The following ZGPAT variants were observed in gnomAD, a reference collection of about 807,000 sequenced individuals.
The protein encoded by ZGPAT is zinc finger CCCH-type and G-patch domain containing, also known as zinc finger CCCH-type with G patch domain-containing protein.
A neutral mutation model predicts 47.9 loss-of-function variants in ZGPAT; 39 were observed. The ratio of observed to expected loss-of-function variants is 0.81; its 90% CI spans 0.63 to 1.06. The LOEUF (loss-of-function observed/expected upper bound fraction) is 1.06, where lower values mean the gene tolerates loss of function less well. Among genes scored for constraint, ZGPAT ranks in the 50% least tolerant of loss-of-function variants. The pLI is 0.00. For missense variants in ZGPAT, 717 were observed against 681.4 expected (o/e 1.05, Z -0.58); for synonymous variants, 348 against 292.9 (o/e 1.19, Z -1.92).
chr20:63,733,763 A>T (rs1403074081), intron 4 of ZGPAT, 24 bp downstream of exon 4: 1 of 1,590,474 alleles, frequency 6.3e-7, no homozygotes, highest in Admixed American at 1.7e-5. Flanking sequence ...TGCGGAGCCC[A>T]GGAGCCAGGA....
intron 2 of ZGPAT, among the ~76,000 whole-genome samples, chr20:63,724,454 G>A (rs1287155178): frequency 1.3e-5 from 2 of 151,830 alleles, no homozygotes; most frequent in East Asian, 3.9e-4. Context: ...GGCCAAGGCA[G>A]GAGGATCACT....
chr20:63,727,314 C>T (rs1437198424), intron 2 of ZGPAT, among the ~76,000 whole-genome samples: 1 of 151,040 alleles, frequency 6.6e-6, no homozygotes, highest in Non-Finnish European at 1.5e-5. Flanking sequence ...CATCTCGGCT[C>T]ACTGCAACCC....
upstream of ZGPAT, chr20:63,707,699 G>A (rs916428266): frequency 1.3e-5 from 2 of 152,214 alleles, no homozygotes; most frequent in African/African-American, 2.4e-5. Context: ...CGACTGCGAA[G>A]GAAGAACCTG....
At chr20:63,722,013 G>A (rs1394964336) in intron 2 of ZGPAT, among the ~76,000 whole-genome samples, 1 of 47,882 alleles carries the variant, frequency 2.1e-5, no homozygotes, top group Non-Finnish European at 4.1e-5. Flanking sequence ...ACTCCATCTC[G>A]GGGAAAAAAA....
intron 2 of ZGPAT, among the ~76,000 whole-genome samples, chr20:63,726,312 C>T (rs1259025419): frequency 6.7e-6 from 1 of 150,316 alleles, no homozygotes; most frequent in East Asian, 1.9e-4. Context: ...GATTCTCCTG[C>T]CTCACCCTCC....
At chr20:63,726,776 C>G (rs1368503663) in intron 2 of ZGPAT, among the ~76,000 whole-genome samples, 1 of 152,184 alleles carries the variant, frequency 6.6e-6, no homozygotes, top group Admixed American at 6.5e-5. Context: ...ATCTGCCCAC[C>G]TCGGCCTCCC....
chr20:63,716,768 G>A lies in ZGPAT; in HGVS notation c.584+7604G>A, dbSNP rs191791507. ...TGCAATCTCACTCATTGCAACCTCC[G>A]ACTCCCAGATTCCAGCAATTCTCCT... On this transcript the variant is annotated intron_variant, in intron 2 of 6. Coordinates refer to ENST00000355969, the MANE Select transcript of ZGPAT (RefSeq NM_181485.3). 6.6e-4 allele frequency among the ~76,000 whole-genome samples: 101 copies of A among 152,150 alleles called. 1 individual carries two copies. The South Asian group carries it at 7.1e-3, about 11-fold the overall frequency.
At chr20:63,735,072 T>A (rs2091966857) in intron 5 of ZGPAT, 87 bp from the exon 6 acceptor site, 1 of 1,426,854 alleles carries the variant, frequency 7.0e-7, no homozygotes, top group South Asian at 1.6e-5. Flanking sequence ...ATTCCCGGGG[T>A]CCCGTGGCCA....
At chr20:63,718,818 G>A (rs1197194143) in intron 2 of ZGPAT, among the ~76,000 whole-genome samples, 1 of 151,908 alleles carries the variant, frequency 6.6e-6, no homozygotes, top group African/African-American at 2.4e-5. Context: ...TGTAATCCCA[G>A]CACTTTGGGA....
chr20:63,729,631 G>A (rs1431009710), intron 2 of ZGPAT, among the ~76,000 whole-genome samples: 1 of 152,044 alleles, frequency 6.6e-6, no homozygotes, highest in African/African-American at 2.4e-5. Flanking sequence ...TCCATTGATC[G>A]ATTTGCCTGT....
chr20:63,733,846 T>G (rs1467040671), intron 4 of ZGPAT, 107 bp downstream of exon 4: 7 of 1,454,476 alleles, frequency 4.8e-6, no homozygotes, highest in Non-Finnish European at 5.5e-6. Context: ...GGAGAGTGTG[T>G]GACTGCGGCG....
intron 2 of ZGPAT, among the ~76,000 whole-genome samples, chr20:63,710,743 CT>C (rs2091657412): frequency 6.6e-6 from 1 of 152,070 alleles, no homozygotes. Context: ...TAAAAAGTAA[CT>C]TTTTGGAAGT....
chr20:63,734,513 A>G, intron 4 of ZGPAT, 192 bp from the exon 5 acceptor site: 1 of 1,100,012 alleles, frequency 9.1e-7, no homozygotes, highest in Non-Finnish European at 1.3e-6. Context: ...AGCCTCGGTG[A>G]CGAGAGCACG....
At position 63,723,710 on chromosome 20, in the gene ZGPAT, C is replaced by T. The variant is rs149089632; in HGVS notation, c.585-9509C>T. On this transcript the variant is annotated intron_variant, in intron 2 of 6. Coordinates refer to ENST00000355969, the MANE Select transcript of ZGPAT (RefSeq NM_181485.3). ...CCTCTTCTCCTTCATGTATTATTGCCATATATACATTTATGTATGTTATAA... is the reference window on the plus strand; with the variant it reads ...CCTCTTCTCCTTCATGTATTATTGCTATATATACATTTATGTATGTTATAA... 8.5e-3 allele frequency among the ~76,000 whole-genome samples: 1,291 copies of T among 152,276 alleles called. 9 individuals are homozygous for T. Among genetic ancestry groups the T allele is most frequent in the Non-Finnish European group, 0.014 (960 of 67,992 alleles).
At chr20:63,726,415 G>A (rs2091846367) in intron 2 of ZGPAT, among the ~76,000 whole-genome samples, 2 of 151,980 alleles carry the variant, frequency 1.3e-5, no homozygotes, top group Admixed American at 1.3e-4. Flanking sequence ...TGGCCAGGCT[G>A]GTCTTAAACC....
At chr20:63,731,984 TG>T (rs1462299014) in intron 2 of ZGPAT, among the ~76,000 whole-genome samples, 1 of 152,208 alleles carries the variant, frequency 6.6e-6, no homozygotes, top group Non-Finnish European at 1.5e-5. Flanking sequence ...TGAGCATCCT[TG>T]GATTTTGGTT....
At chr20:63,730,970 C>CTGTGTG (rs139077471) in intron 2 of ZGPAT, among the ~76,000 whole-genome samples, 7 of 115,162 alleles carry the variant, frequency 6.1e-5, no homozygotes, top group Non-Finnish European at 1.2e-4. Context: ...CTCTCTCTCT[C>CTGTGTG]TGTGTGTGTG....
intron 4 of ZGPAT, 87 bp from the exon 5 acceptor site, chr20:63,734,618 C>T (rs2091958880): frequency 1.9e-6 from 3 of 1,570,710 alleles, no homozygotes; most frequent in Non-Finnish European, 2.6e-6. Context: ...CCTGGCTGGG[C>T]CACTGCCCTC....
In ZGPAT at chr20:63,708,990, C is replaced by T. The variant is rs1387875490; in HGVS notation, c.410C>T (p.Pro137Leu). The change falls in exon 2 of 7, where the codon CCC (proline) becomes CTC (leucine). Residue 137 changes from proline to leucine, a missense_variant. Coordinates refer to ENST00000355969, the MANE Select transcript of ZGPAT (RefSeq NM_181485.3). ...EELSGTKVSA[P>L]YYSSWGTLEY... is the part of the protein sequence containing the mutation. Reference sequence around the variant, plus strand: ...CTGAGTGGGACAAAGGTGAGCGCGCCCTACTACAGCTCCTGGGGCACTCTG... The same window carrying T: ...CTGAGTGGGACAAAGGTGAGCGCGCTCTACTACAGCTCCTGGGGCACTCTG... 1 of 1,613,440 alleles carries T rather than the reference C, an allele frequency of 6.2e-7. No individual in the cohort carries two copies. The highest frequency in any genetic ancestry group is 1.7e-5 in the Admixed American group (1 of 60,002).
Sources: gnomAD v4.1 joint callset for allele counts (sites outside exome capture counted in the v4.1 genomes callset) on GRCh38, gnomAD v4.1.1 for gene constraint, MANE v1.5 for transcripts, NCBI Gene and HGNC (gene_info 2026-07-23, HGNC 2026-07-21) for gene names.